The following CASD1 variants were observed in gnomAD, a reference collection of about 807,000 sequenced individuals.
CASD1 encodes the protein CAS1 domain sialic acid O acetyltransferase 1.
CASD1 carries 41 observed loss-of-function variants against 100.0 expected under a neutral mutation model. That is an observed-to-expected ratio of 0.41 (90% CI 0.32 to 0.53). CASD1 has a LOEUF of 0.53. CASD1 is among the 20% of genes least tolerant of loss of function. The probability of loss-of-function intolerance (pLI) is 0.25; values close to 1 mark genes in which losing one functional copy is unlikely to be tolerated. For synonymous variants in CASD1, 321 were observed against 315.6 expected, an observed-to-expected ratio of 1.02 and a Z score of -0.18; for missense variants, 774 against 948.7, an observed-to-expected ratio of 0.82 and a Z score of 2.42.
chr7:94,582,208 C>G, the CASD1 span, among the ~76,000 whole-genome samples: 1 of 152,218 alleles, frequency 6.6e-6, no homozygotes, highest in African/African-American at 2.4e-5. Context: ...ACTTCCATCT[C>G]CAGAGTTTAA....
At chr7:94,623,795 G>A in the CASD1 span, 262 of 379,486 alleles carry the variant, frequency 6.9e-4, no homozygotes, top group Non-Finnish European at 8.4e-4. Context: ...ATAATGAAAA[G>A]TACACTTTAA....
chr7:94,630,415 C>T, the CASD1 span, among the ~76,000 whole-genome samples: 4 of 151,702 alleles, frequency 2.6e-5, no homozygotes, highest in African/African-American at 9.7e-5. Context: ...CCTCGCATCT[C>T]TTGTAGAAAT....
At chr7:94,598,753 ATGGCTCTAAG>A in the CASD1 span, 1 of 1,508,530 alleles carries the variant, frequency 6.6e-7, no homozygotes, top group Admixed American at 1.7e-5. Context: ...ATTAATAATT[ATGGCTCTAAG>A]TGGACACTTA....
chr7:94,591,388 AC>A, the CASD1 span, among the ~76,000 whole-genome samples: 1 of 152,170 alleles, frequency 6.6e-6, no homozygotes, highest in African/African-American at 2.4e-5. Context: ...ACATAGGCGC[AC>A]ACCACACACA....
At chr7:94,624,352 A>C in the CASD1 span, 1 of 396,696 alleles carries the variant, frequency 2.5e-6, no homozygotes, top group African/African-American at 2.1e-5. Context: ...TGTGTCAAAA[A>C]ATAAGTTGCA....
chr7:94,580,188 A>G, the CASD1 span, among the ~76,000 whole-genome samples: 2 of 152,202 alleles, frequency 1.3e-5, no homozygotes, highest in Non-Finnish European at 2.9e-5. Context: ...GATTATTTGT[A>G]TGTATAAAAA....
chr7:94,619,903 A>C, the CASD1 span: 3 of 152,220 alleles, frequency 2.0e-5, no homozygotes, highest in African/African-American at 7.2e-5. Context: ...TGCATATATA[A>C]GGTGCTCAGC....
intron 17 of CASD1, 44 bp downstream of exon 17, chr7:94,554,619 T>C: frequency 6.2e-6 from 8 of 1,283,692 alleles, no homozygotes; most frequent in African/African-American, 1.5e-5. Context: ...GCCAGGTGTT[T>C]CATGTTTGTG....
At chr7:94,568,592 T>C in the CASD1 span, among the ~76,000 whole-genome samples, 1 of 152,184 alleles carries the variant, frequency 6.6e-6, no homozygotes, top group East Asian at 1.9e-4. Context: ...ATGTAAAGAC[T>C]TCCTAGGCAT....
At chr7:94,539,657 A>G (rs1795290905) in intron 10 of CASD1, among the ~76,000 whole-genome samples, 1 of 140,404 alleles carries the variant, frequency 7.1e-6, no homozygotes. Context: ...TTGCAGAGTG[A>G]GACTCCGTCT....
intron 16 of CASD1, 69 bp downstream of exon 16, chr7:94,552,496 G>T: frequency 8.8e-7 from 1 of 1,140,664 alleles, no homozygotes; most frequent in Non-Finnish European, 1.3e-6. Flanking sequence ...TAGAGGCAGA[G>T]AGATTTGAGA....
chr7:94,528,037 T>C, intron 4 of CASD1, 151 bp from the exon 5 acceptor site: 1 of 611,244 alleles, frequency 1.6e-6, no homozygotes, highest in Non-Finnish European at 2.9e-6. Context: ...ATTGTAAGAC[T>C]CTTGCCAAAT....
At position 94,556,663 on chromosome 7, in the gene CASD1, A is replaced by G. The variant is rs1180339816; in HGVS notation, c.*905A>G. ...TCCTATTTTAAATATTTATCAGTCT[A>G]AACTTGTGCAGTGTAGTAAACATGC... On this transcript the variant is annotated 3_prime_UTR_variant, in exon 18 of 18. Coordinates refer to ENST00000297273, the MANE Select transcript of CASD1 (RefSeq NM_022900.5). 6.6e-6 allele frequency: 1 copy of G among 152,056 alleles called. No individual in the cohort carries two copies. The highest frequency in any genetic ancestry group is 1.5e-5 in the Non-Finnish European group (1 of 67,912). 9.4% of individuals were successfully genotyped at this position (152,056 alleles called of 1,614,324 possible).
At chr7:94,570,117 C>G in the CASD1 span, among the ~76,000 whole-genome samples, 2 of 152,186 alleles carry the variant, frequency 1.3e-5, no homozygotes, top group African/African-American at 4.8e-5. Flanking sequence ...CTGGCCCAAT[C>G]TCTGACTTTT....
At chr7:94,546,361 TTAAAA>T (rs1795680811) in intron 12 of CASD1, among the ~76,000 whole-genome samples, 1 of 151,994 alleles carries the variant, frequency 6.6e-6, no homozygotes, top group African/African-American at 2.4e-5. Context: ...GATCATATCA[TTAAAA>T]TAAAATCTTC....
At chr7:94,628,597 T>C in the CASD1 span, 1 of 495,914 alleles carries the variant, frequency 2.0e-6, no homozygotes, top group South Asian at 2.2e-5. Flanking sequence ...CATACAATTT[T>C]CTTGGAAATA....
intron 5 of CASD1, among the ~76,000 whole-genome samples, chr7:94,532,662 T>C (rs1207261588): frequency 1.3e-5 from 2 of 152,234 alleles, no homozygotes; most frequent in Non-Finnish European, 2.9e-5. Flanking sequence ...GGGGAAATAC[T>C]CTAATTTGCA....
intron 3 of CASD1, 80 bp from the exon 4 acceptor site, chr7:94,527,082 A>T: frequency 9.7e-7 from 1 of 1,027,266 alleles, no homozygotes; most frequent in South Asian, 1.4e-5. Context: ...GCATAAAAAT[A>T]AATCAAAGCA....
intron 3 of CASD1, among the ~76,000 whole-genome samples, chr7:94,523,612 T>C (rs1308145899): frequency 6.6e-6 from 1 of 152,200 alleles, no homozygotes; most frequent in East Asian, 1.9e-4. Flanking sequence ...AGACTCAGTA[T>C]TGTAAAGATG....
Sources: allele counts gnomAD v4.1 joint callset (sites outside exome capture counted in the v4.1 genomes callset), GRCh38; gene constraint gnomAD v4.1.1; transcripts MANE v1.5; gene names NCBI Gene and HGNC (gene_info 2026-07-23, HGNC 2026-07-21).